The following VWF variants were observed in gnomAD, a reference collection of about 807,000 sequenced individuals.
VWF encodes Factor VIII related antigen.
Under a neutral mutation model 308.6 loss-of-function variants are expected in VWF, and 176 were observed. That is an observed-to-expected ratio of 0.57 (90% CI 0.50 to 0.65). VWF has a LOEUF of 0.65. Among genes scored for constraint, VWF ranks in the 30% least tolerant of loss-of-function variants. The pLI is 0.00. For missense variants in VWF, 3,146 were observed against 3,648.2 expected, an observed-to-expected ratio of 0.86 and a Z score of 3.55; for synonymous variants, 1,385 against 1,443.4, an observed-to-expected ratio of 0.96 and a Z score of 0.92.
chr12:6,025,457 G>A (rs1944179430), intron 24 of VWF, 123 bp downstream of exon 24: 2 of 819,294 alleles, frequency 2.4e-6, no homozygotes, highest in East Asian at 5.3e-5. Flanking sequence ...CCGAAGTGGT[G>A]TCTTGGTGCA....
chr12:6,052,159 A>G (rs555791282), intron 16 of VWF, among the ~76,000 whole-genome samples: 3 of 152,310 alleles, frequency 2.0e-5, no homozygotes, highest in African/African-American at 7.2e-5. Context: ...GCAGTGGTCC[A>G]TGTTCTTCCT....
chr12:6,025,574 C>G lies in VWF; in HGVS notation c.3222+6G>C. On this transcript the variant is annotated splice_donor_region_variant and intron_variant, in intron 24 of 51. Transcript: ENST00000261405. ...GTCTGCTTCCCACTACCCTCAAGGT[C>G]CTCACCAGCTTGTTGCAGTCCTGGA... 10 of 1,484,908 alleles carry G rather than the reference C, an allele frequency of 6.7e-6. No homozygotes were observed. The highest frequency in any genetic ancestry group is 8.5e-6 in the Non-Finnish European group (9 of 1,064,846). The allele number at this position is 1,484,908 out of a possible 1,614,324, so 92.0% of individuals were successfully genotyped here.
At chr12:6,038,527 A>G (rs1473507465) in intron 18 of VWF, among the ~76,000 whole-genome samples, 1 of 7,380 alleles carries the variant, frequency 1.4e-4, no homozygotes, top group Non-Finnish European at 3.0e-4. Context: ...ACAACCCACC[A>G]TGCCTCCTGT....
At chr12:5,987,352 C>A (rs1040531585) in intron 38 of VWF, among the ~76,000 whole-genome samples, 6 of 152,188 alleles carry the variant, frequency 3.9e-5, no homozygotes, top group African/African-American at 1.4e-4. Flanking sequence ...AATAACACTA[C>A]CAGATAAGTA....
At chr12:6,071,270 G>A (rs112753580) in intron 10 of VWF, 27 bp downstream of exon 10, 977 of 1,613,712 alleles carry the variant, frequency 6.1e-4, no homozygotes, top group African/African-American at 6.0e-3. Flanking sequence ...AGGGAAGGAG[G>A]AAGAGAATGA....
intron 38 of VWF, among the ~76,000 whole-genome samples, chr12:5,987,922 G>T (rs989957262): frequency 6.6e-6 from 1 of 152,332 alleles, no homozygotes; most frequent in African/African-American, 2.4e-5. Flanking sequence ...TTATAGGTGT[G>T]TACATATGTC....
chr12:6,087,679 C>T (rs777020844), intron 6 of VWF, among the ~76,000 whole-genome samples: 65 of 151,978 alleles, frequency 4.3e-4, no homozygotes, highest in Non-Finnish European at 7.8e-4. Context: ...TTAACTCTTA[C>T]AGTCAAGGTC....
chr12:5,973,230 T>C (rs1333029425), intron 43 of VWF, among the ~76,000 whole-genome samples: 3 of 152,122 alleles, frequency 2.0e-5, no homozygotes, highest in Admixed American at 1.3e-4. Flanking sequence ...CTCCAACAAA[T>C]TCCCTCGCTT....
intron 20 of VWF, among the ~76,000 whole-genome samples, chr12:6,033,296 G>A (rs1944293434): frequency 6.6e-6 from 1 of 152,204 alleles, no homozygotes; most frequent in Non-Finnish European, 1.5e-5. Context: ...GGGGCCCCAG[G>A]ACAATGCATC....
chr12:6,012,072 C>G lies in VWF; in HGVS notation c.5664+15G>C. 6.2e-7 allele frequency: 1 copy of G among 1,613,766 alleles called. No individual in the cohort carries two copies. The highest frequency in any genetic ancestry group is 8.5e-7 in the Non-Finnish European group (1 of 1,179,720). On this transcript the variant is annotated intron_variant, in intron 33 of 51. Transcript: ENST00000261405. ...TCTCTAACCTTTCTTTCAAAGTCAA[C>G]AGAAAGGAACTTACCCTCTTCTCAT...
At chr12:5,971,854 C>T (rs1395109803) in intron 43 of VWF, 145 bp from the exon 44 acceptor site, 4 of 744,644 alleles carry the variant, frequency 5.4e-6, no homozygotes, top group Non-Finnish European at 9.5e-6. Flanking sequence ...CAACCAGCCT[C>T]AGGGCCATGC....
At position 6,092,598 on chromosome 12, in the gene VWF, C is replaced by CTAGTTAGTTAGT. The variant is rs796796373; in HGVS notation, c.657+2861_657+2862insACTAACTAACTA. Among the ~76,000 whole-genome samples, 14 of 65,114 alleles carry CTAGTTAGTTAGT rather than the reference C, an allele frequency of 2.2e-4. 1 individual carries two copies. Among genetic ancestry groups the CTAGTTAGTTAGT allele is most frequent in the African/African-American group, 7.3e-4 (13 of 17,906 alleles). The allele number at this position is 65,114 out of a possible 152,430, so 42.7% of individuals were successfully genotyped here. A position where few individuals can be genotyped will look rare whatever the true frequency, so the allele number is the denominator to read the frequency against. ...CGTGCGTGCATGCCACCATGCCCAGCTAGTTAGTGAGTGAGTGAGAGTGTG... is the reference window on the plus strand; with the variant it reads ...CGTGCGTGCATGCCACCATGCCCAGCTAGTTAGTTAGTTAGTTAGTGAGTGAGTGAGAGTGTG... On this transcript the variant is annotated intron_variant, in intron 6 of 51. Coordinates refer to ENST00000261405, the MANE Select transcript of VWF (RefSeq NM_000552.5).
intron 34 of VWF, among the ~76,000 whole-genome samples, chr12:5,999,295 A>G (rs1437968150): frequency 1.3e-5 from 2 of 152,182 alleles, no homozygotes; most frequent in Non-Finnish European, 2.9e-5. Flanking sequence ...AACACACGCA[A>G]TATTTGGTGA....
chr12:5,983,259 G>GAC lies in VWF; in HGVS notation c.6977-6_6977-5insGT, dbSNP rs1356212640. The stretch of plus-strand genomic sequence containing the variant: ...CACAGCTCACTGGGTCACACACTGA[G>GAC]GGCCAGAAAGAGAGACGTCCATGCA... On this transcript the variant is annotated splice_polypyrimidine_tract_variant and splice_region_variant and intron_variant, in intron 40 of 51. Coordinates refer to ENST00000261405, the MANE Select transcript of VWF (RefSeq NM_000552.5). 9.9e-6 allele frequency: 16 copies of GAC among 1,613,626 alleles called. No individual in the cohort carries two copies. Among genetic ancestry groups the GAC allele is most frequent in the African/African-American group, 1.3e-5 (1 of 74,936 alleles).
At chr12:6,080,370 A>C (rs1591905509) in intron 6 of VWF, among the ~76,000 whole-genome samples, 1 of 152,202 alleles carries the variant, frequency 6.6e-6, no homozygotes, top group East Asian at 1.9e-4. Flanking sequence ...GGGTGTTTCC[A>C]TGGGGATGTT....
intron 6 of VWF, among the ~76,000 whole-genome samples, chr12:6,076,853 A>G (rs1408258990): frequency 6.6e-6 from 1 of 152,216 alleles, no homozygotes; most frequent in Non-Finnish European, 1.5e-5. Flanking sequence ...GCGGCGCCAC[A>G]GAAAGCCCAC....
intron 16 of VWF, among the ~76,000 whole-genome samples, chr12:6,047,300 A>T (rs976461531): frequency 6.6e-6 from 1 of 152,178 alleles, no homozygotes; most frequent in Non-Finnish European, 1.5e-5. Context: ...CCCCAGACCC[A>T]TATACTCAAA....
At chr12:5,962,818 G>T (rs1943334939) in intron 47 of VWF, among the ~76,000 whole-genome samples, 1 of 152,250 alleles carries the variant, frequency 6.6e-6, no homozygotes, top group South Asian at 2.1e-4. Flanking sequence ...CAAAGTGCTG[G>T]GATTACAGGC....
chr12:5,977,718 A>G (rs2136365168), intron 42 of VWF, among the ~76,000 whole-genome samples: 1 of 151,982 alleles, frequency 6.6e-6, no homozygotes, highest in African/African-American at 2.4e-5. Flanking sequence ...AAAACATACA[A>G]AAATTAGCCG....
Sources: gnomAD v4.1 joint callset for allele counts (sites outside exome capture counted in the v4.1 genomes callset) on GRCh38, gnomAD v4.1.1 for gene constraint, MANE v1.5 for transcripts, NCBI Gene and HGNC (gene_info 2026-07-23, HGNC 2026-07-21) for gene names.